The following SKIC2 variants were observed in gnomAD, a reference collection of about 807,000 sequenced individuals.
The protein encoded by SKIC2 is superkiller complex protein 2.
At chr6:31,969,540 C>T in the SKIC2 span, 1 of 1,613,760 alleles carries the variant, frequency 6.2e-7, no homozygotes, top group Non-Finnish European at 8.5e-7. The surrounding 1 kb of genome is among the most constrained non-coding windows in gnomAD (Gnocchi z 6.1). Flanking sequence ...GCAGGGCTCT[C>T]AGGGACCCCT....
chr6:31,967,205 GTGCTACT>G, the SKIC2 span: 1 of 1,608,820 alleles, frequency 6.2e-7, no homozygotes, highest in Admixed American at 1.7e-5. The surrounding 1 kb of genome is among the most constrained non-coding windows in gnomAD (Gnocchi z 4.9). Context: ...GTTACTCTAG[GTGCTACT>G]AAACTTAGTC....
At chr6:31,959,219 G>T in the SKIC2 span, 1 of 1,608,624 alleles carries the variant, frequency 6.2e-7, no homozygotes, top group Non-Finnish European at 8.5e-7. Flanking sequence ...GACTTGGTGA[G>T]GGGGAGGGGA....
At chr6:31,965,697 C>T in the SKIC2 span, 1 of 757,706 alleles carries the variant, frequency 1.3e-6, no homozygotes, top group South Asian at 1.6e-5. This position sits in a 1 kb window ranked among gnomAD's most constrained non-coding sequence, Gnocchi z 5.6. Context: ...GTGCCTTATG[C>T]CTACAAAGTA....
At chr6:31,962,622 T>TG in the SKIC2 span, 2 of 1,608,936 alleles carry the variant, frequency 1.2e-6, no homozygotes, top group Non-Finnish European at 1.7e-6. The surrounding 1 kb of genome is among the most constrained non-coding windows in gnomAD (Gnocchi z 5.0). Context: ...GAGTTTTGGC[T>TG]GGGAAGATGT....
At chr6:31,962,765 C>T in the SKIC2 span, 1 of 1,612,518 alleles carries the variant, frequency 6.2e-7, no homozygotes, top group Non-Finnish European at 8.5e-7. This position sits in a 1 kb window ranked among gnomAD's most constrained non-coding sequence, Gnocchi z 5.0. Flanking sequence ...AGTGGGTCAT[C>T]TTTGATGAGG....
the SKIC2 span, chr6:31,968,988 C>T: frequency 6.2e-7 from 1 of 1,612,924 alleles, no homozygotes; most frequent in Non-Finnish European, 8.5e-7. The surrounding 1 kb of genome is among the most constrained non-coding windows in gnomAD (Gnocchi z 6.1). Flanking sequence ...TGACAATGCA[C>T]TGAGCACCCT....
the SKIC2 span, chr6:31,959,437 G>T: frequency 7.0e-7 from 1 of 1,421,734 alleles, no homozygotes; most frequent in Non-Finnish European, 9.9e-7. Context: ...GACCCGCATT[G>T]AGTCCAAACC....
the SKIC2 span, chr6:31,965,948 G>A: frequency 6.2e-7 from 1 of 1,612,892 alleles, no homozygotes; most frequent in Non-Finnish European, 8.5e-7. This position sits in a 1 kb window ranked among gnomAD's most constrained non-coding sequence, Gnocchi z 5.6. Flanking sequence ...GGACCCCACA[G>A]GCACCGTTAT....
At chr6:31,968,640 C>A in the SKIC2 span, 7 of 1,563,954 alleles carry the variant, frequency 4.5e-6, no homozygotes, top group African/African-American at 4.1e-5. This position sits in a 1 kb window ranked among gnomAD's most constrained non-coding sequence, Gnocchi z 6.1. Context: ...CCTCAGTGCA[C>A]CCCTGCTAAG....
chr6:31,963,335 A>T, the SKIC2 span: 2 of 1,328,924 alleles, frequency 1.5e-6, no homozygotes, highest in South Asian at 3.0e-5. This position sits in a 1 kb window ranked among gnomAD's most constrained non-coding sequence, Gnocchi z 5.3. Flanking sequence ...GTAAAGTTGG[A>T]GGGGTAGGGA....
chr6:31,967,377 G>C, the SKIC2 span: 1 of 1,608,026 alleles, frequency 6.2e-7, no homozygotes, highest in Non-Finnish European at 8.5e-7. The surrounding 1 kb of genome is among the most constrained non-coding windows in gnomAD (Gnocchi z 4.9). Flanking sequence ...TGATCCTACA[G>C]GTGAGGGTGA....
chr6:31,964,462 G>GGA, the SKIC2 span: 2 of 717,198 alleles, frequency 2.8e-6, no homozygotes, highest in Admixed American at 4.3e-5. This position sits in a 1 kb window ranked among gnomAD's most constrained non-coding sequence, Gnocchi z 5.0. Flanking sequence ...TCTGGGCTCT[G>GGA]GATTCAGACT....
At chr6:31,963,642 A>C in the SKIC2 span, 2 of 1,547,592 alleles carry the variant, frequency 1.3e-6, no homozygotes, top group Non-Finnish European at 1.7e-6. The surrounding 1 kb of genome is among the most constrained non-coding windows in gnomAD (Gnocchi z 5.3). Flanking sequence ...CCCAGGTACT[A>C]TGCAGCTGTG....
At chr6:31,962,719 T>C in the SKIC2 span, 1 of 1,612,790 alleles carries the variant, frequency 6.2e-7, no homozygotes, top group Non-Finnish European at 8.5e-7. The surrounding 1 kb of genome is among the most constrained non-coding windows in gnomAD (Gnocchi z 5.0). Flanking sequence ...CCCAGCTCCA[T>C]GCTGTACAGT....
At chr6:31,967,698 T>C in the SKIC2 span, 2 of 1,612,158 alleles carry the variant, frequency 1.2e-6, no homozygotes, top group Non-Finnish European at 1.7e-6. The surrounding 1 kb of genome is among the most constrained non-coding windows in gnomAD (Gnocchi z 4.9). Flanking sequence ...TCTCCTGGCC[T>C]CTCTGACCAC....
At chr6:31,961,311 A>G in the SKIC2 span, 6 of 1,599,478 alleles carry the variant, frequency 3.8e-6, no homozygotes, top group Non-Finnish European at 4.3e-6. Flanking sequence ...GAGGTCCCAG[A>G]GGGGACACTG....
the SKIC2 span, chr6:31,962,298 A>T: frequency 2.0e-6 from 2 of 1,021,728 alleles, no homozygotes; most frequent in Non-Finnish European, 3.0e-6. This position sits in a 1 kb window ranked among gnomAD's most constrained non-coding sequence, Gnocchi z 5.0. Flanking sequence ...TATATCATGC[A>T]GGAGAATGTA....
the SKIC2 span, chr6:31,968,145 G>C: frequency 7.4e-4 from 1,187 of 1,600,864 alleles, 2 homozygotes; most frequent in South Asian, 1.3e-3. The surrounding 1 kb of genome is among the most constrained non-coding windows in gnomAD (Gnocchi z 6.1). Flanking sequence ...GAGGGGCAGT[G>C]GTCTGGGAGT....
At chr6:31,961,407 G>A in the SKIC2 span, 1 of 1,533,918 alleles carries the variant, frequency 6.5e-7, no homozygotes, top group South Asian at 1.3e-5. Flanking sequence ...CTGTGTAGTG[G>A]AGGCAAGAAA....
Sources: allele counts gnomAD v4.1 joint callset, GRCh38; gene constraint gnomAD v4.1.1; non-coding constraint Gnocchi (gnomAD v3.1); transcripts MANE v1.5; gene names NCBI Gene and HGNC (gene_info 2026-07-23, HGNC 2026-07-21).